SDK1: variants seen among roughly 807,000 people sequenced by gnomAD.
SDK1 encodes sidekick cell adhesion molecule 1, also known as protein sidekick-1.
In SDK1, 157 loss-of-function variants were observed where a neutral mutation model predicts 245.5. The ratio of observed to expected loss-of-function variants is 0.64; its 90% CI spans 0.56 to 0.73. The LOEUF (loss-of-function observed/expected upper bound fraction) is 0.73. Ranked by LOEUF, SDK1 falls within the 30% of genes least tolerant of loss-of-function variation. The pLI, the probability that SDK1 is intolerant of heterozygous loss-of-function variation, is 0.00. For synonymous variants in SDK1, 1,647 were observed against 1,278.5 expected (o/e 1.29, Z -6.15); for missense variants, 3,583 against 3,002.3 (o/e 1.19, Z -4.52).
chr7:4,152,068 G>C (rs1030393968), intron 30 of SDK1, among the ~76,000 whole-genome samples: 3 of 152,226 alleles, frequency 2.0e-5, no homozygotes, highest in Admixed American at 2.0e-4. Flanking sequence ...CTAGGACTCT[G>C]TCCTCTCATC....
chr7:3,536,299 C>A (rs1457451793), intron 1 of SDK1, among the ~76,000 whole-genome samples: 1 of 151,932 alleles, frequency 6.6e-6, no homozygotes, highest in Admixed American at 6.6e-5. Context: ...ATCTCCTGAC[C>A]TTGTGATCTG....
chr7:3,864,743 A>C (rs1780780160), intron 5 of SDK1, among the ~76,000 whole-genome samples: 2 of 151,874 alleles, frequency 1.3e-5, no homozygotes, highest in Admixed American at 1.3e-4. Flanking sequence ...CAGGGAATAC[A>C]CCCTGTTTAT....
At chr7:3,396,660 T>C (rs1442417895) in intron 1 of SDK1, among the ~76,000 whole-genome samples, 2 of 151,728 alleles carry the variant, frequency 1.3e-5, no homozygotes, top group Admixed American at 6.6e-5. Context: ...TTGTCTGATA[T>C]TAATATAGCT....
chr7:3,710,835 G>A (rs972493155), intron 4 of SDK1, among the ~76,000 whole-genome samples: 2 of 152,134 alleles, frequency 1.3e-5, no homozygotes, highest in Non-Finnish European at 2.9e-5. Context: ...CCTATCTTCA[G>A]ATTACCTTAT....
At chr7:4,208,470 C>T (rs1784354644) in intron 37 of SDK1, among the ~76,000 whole-genome samples, 185 bp downstream of exon 37, 1 of 152,236 alleles carries the variant, frequency 6.6e-6, no homozygotes, top group African/African-American at 2.4e-5. Flanking sequence ...TGTGCCTGGC[C>T]TCAGACTGGT....
chr7:4,145,634 C>T, intron 28 of SDK1, 88 bp from the exon 29 acceptor site: 1 of 1,173,938 alleles, frequency 8.5e-7, no homozygotes, highest in South Asian at 1.5e-5. Context: ...GATGGCCTTC[C>T]AGGGGTCAGC....
intron 5 of SDK1, among the ~76,000 whole-genome samples, chr7:3,837,285 C>T (rs958060620): frequency 6.6e-6 from 1 of 152,108 alleles, no homozygotes; most frequent in East Asian, 1.9e-4. Context: ...TTATTTAGCC[C>T]ACACAATACC....
intron 1 of SDK1, among the ~76,000 whole-genome samples, chr7:3,618,304 C>G (rs1371363070): frequency 6.6e-6 from 1 of 152,194 alleles, no homozygotes; most frequent in Non-Finnish European, 1.5e-5. Context: ...TCACCCCCGT[C>G]GCTATCCCAT....
intron 1 of SDK1, among the ~76,000 whole-genome samples, chr7:3,354,267 G>A (rs1780736152): frequency 6.6e-6 from 1 of 151,628 alleles, no homozygotes. Flanking sequence ...CAAAGTGCTG[G>A]GATTACAGCG....
At chr7:3,899,322 C>T (rs760456444) in intron 5 of SDK1, among the ~76,000 whole-genome samples, 2 of 152,098 alleles carry the variant, frequency 1.3e-5, no homozygotes, top group African/African-American at 4.8e-5. Context: ...GCTTGGAGTT[C>T]TTTCATATCT....
intron 17 of SDK1, among the ~76,000 whole-genome samples, chr7:4,024,259 G>T (rs1299488307): frequency 6.6e-6 from 1 of 152,124 alleles, no homozygotes; most frequent in Non-Finnish European, 1.5e-5. Context: ...GCTTTGAAAG[G>T]TTTTCTAAAG....
chr7:3,868,960 T>G (rs972410236), intron 5 of SDK1, among the ~76,000 whole-genome samples: 1 of 152,168 alleles, frequency 6.6e-6, no homozygotes, highest in Non-Finnish European at 1.5e-5. Flanking sequence ...ATTACATTGT[T>G]GGAAGGCAGT....
chr7:4,038,578 C>T (rs915366655), intron 17 of SDK1, among the ~76,000 whole-genome samples: 1 of 152,156 alleles, frequency 6.6e-6, no homozygotes, highest in South Asian at 2.1e-4. Flanking sequence ...TGGTATTATT[C>T]GAAAGCGGTA....
At chr7:3,382,200 G>C (rs1006629463) in intron 1 of SDK1, among the ~76,000 whole-genome samples, 1 of 151,500 alleles carries the variant, frequency 6.6e-6, no homozygotes, top group African/African-American at 2.4e-5. Context: ...CCAACTCCTG[G>C]GCTCAAGTGA....
chr7:4,131,157 A>G (rs1410359689), intron 27 of SDK1, among the ~76,000 whole-genome samples: 2 of 152,192 alleles, frequency 1.3e-5, no homozygotes, highest in East Asian at 1.9e-4. Flanking sequence ...CCCAGATGAA[A>G]GTAAAAATGG....
intron 1 of SDK1, among the ~76,000 whole-genome samples, chr7:3,605,351 T>G (rs1419495023): frequency 3.9e-5 from 6 of 152,256 alleles, no homozygotes; most frequent in Non-Finnish European, 7.3e-5. Flanking sequence ...TGTTTTATGG[T>G]TTGAAGAAAT....
chr7:4,255,542 G>A (rs765936131), intron 44 of SDK1, among the ~76,000 whole-genome samples: 1 of 152,116 alleles, frequency 6.6e-6, no homozygotes, highest in South Asian at 2.1e-4. Flanking sequence ...TATTCTTGGC[G>A]TACCATACCT....
intron 1 of SDK1, among the ~76,000 whole-genome samples, chr7:3,487,991 C>G (rs939688404): frequency 6.6e-6 from 1 of 152,090 alleles, no homozygotes; most frequent in Admixed American, 6.6e-5. Flanking sequence ...ATTTTGCTTA[C>G]TCCTACTTTT....
chr7:3,639,978 C>G (rs146581255), intron 3 of SDK1, among the ~76,000 whole-genome samples: 2 of 152,230 alleles, frequency 1.3e-5, no homozygotes, highest in Admixed American at 6.5e-5. Context: ...TCCCGAGTAG[C>G]TAGGACCACA....
Sources: gnomAD v4.1 joint callset for allele counts (sites outside exome capture counted in the v4.1 genomes callset) on GRCh38, gnomAD v4.1.1 for gene constraint, MANE v1.5 for transcripts, NCBI Gene and HGNC (gene_info 2026-07-23, HGNC 2026-07-21) for gene names.